Variants in SRPRA observed in about 807,000 individuals in gnomAD.
SRPRA encodes the protein SRP receptor subunit alpha, also known as signal recognition particle receptor subunit alpha.
Under a neutral mutation model 61.1 loss-of-function variants are expected in SRPRA, and 30 were observed. The observed-to-expected ratio is 0.49, with a 90% CI of 0.37 to 0.67. The LOEUF (loss-of-function observed/expected upper bound fraction) is 0.67. Among genes scored for constraint, SRPRA ranks in the 30% least tolerant of loss-of-function variants. The pLI is 0.00. For missense variants in SRPRA, 759 were observed against 828.4 expected (o/e 0.92, Z 1.03); for synonymous variants, 324 against 299.7 (o/e 1.08, Z -0.84).
chr11:126,249,731 C>CAAAAAAAAA, the SRPRA span, among the ~76,000 whole-genome samples: 10 of 79,006 alleles, frequency 1.3e-4, no homozygotes, highest in East Asian at 4.0e-4. Context: ...GACTCCGTCT[C>CAAAAAAAAA]AAAAAAAAAA....
the SRPRA span, among the ~76,000 whole-genome samples, chr11:126,244,474 A>G: frequency 6.6e-6 from 1 of 152,250 alleles, no homozygotes; most frequent in Non-Finnish European, 1.5e-5. The surrounding 1 kb of genome is among the most constrained non-coding windows in gnomAD (Gnocchi z 4.5). Flanking sequence ...ACTTGGCATC[A>G]AAAATAGTAA....
the SRPRA span, among the ~76,000 whole-genome samples, chr11:126,243,306 G>A: frequency 6.6e-6 from 1 of 152,114 alleles, no homozygotes; most frequent in African/African-American, 2.4e-5. Flanking sequence ...GACATCAGAA[G>A]AAATGAAAAT....
intron 7 of SRPRA, 31 bp from the exon 8 acceptor site, chr11:126,266,112 A>C (rs1266006172): frequency 6.2e-7 from 1 of 1,613,200 alleles, no homozygotes; most frequent in Admixed American, 1.7e-5. Context: ...ACATACACAT[A>C]AAACCAGTAG....
In SRPRA at chr11:126,264,818, T is replaced by C; in HGVS notation, c.1525+141A>G. The C allele has an allele frequency of 1.1e-6, 1 of 870,408 alleles. No homozygotes were observed. Among genetic ancestry groups the C allele is most frequent in the Admixed American group, 2.9e-5 (1 of 34,824 alleles). The allele number at this position is 870,408 out of a possible 1,614,324, so 53.9% of individuals were successfully genotyped here. A position where few individuals can be genotyped will look rare whatever the true frequency, so the allele number is the denominator to read the frequency against. ...ACATCTGTTATCCAAAAGCAGAGCA[T>C]GGCAAGTAACTGATCTGACTTTTTA... is the stretch of plus-strand genomic sequence containing the variant. On this transcript the variant is annotated intron_variant, in intron 11 of 13. Coordinates refer to ENST00000332118, the MANE Select transcript of SRPRA (RefSeq NM_003139.4). This position sits in a 1 kb window ranked among gnomAD's most constrained non-coding sequence, Gnocchi z 5.0.
At chr11:126,252,577 T>A in the SRPRA span, among the ~76,000 whole-genome samples, 2 of 152,062 alleles carry the variant, frequency 1.3e-5, no homozygotes, top group African/African-American at 4.8e-5. The surrounding 1 kb of genome is among the most constrained non-coding windows in gnomAD (Gnocchi z 4.7). Context: ...ACCCCATCTC[T>A]ACAAAAAGTT....
Position 126,268,099 on chromosome 11 carries a change from T to G in SRPRA, c.118-13A>C. 6.2e-7 allele frequency: 1 copy of G among 1,612,524 alleles called. No individual in the cohort carries two copies. Among genetic ancestry groups the G allele is most frequent in the Non-Finnish European group, 8.5e-7 (1 of 1,178,920 alleles). Reference sequence around the variant, plus strand: ...TACCTCCCCGTTCCTGGAGAAAGAGTATGTCTCAGTGTTCAGACTATCCCC... The same window carrying G: ...TACCTCCCCGTTCCTGGAGAAAGAGGATGTCTCAGTGTTCAGACTATCCCC... On this transcript the variant is annotated splice_polypyrimidine_tract_variant and intron_variant, in intron 1 of 13. Coordinates refer to ENST00000332118, the MANE Select transcript of SRPRA (RefSeq NM_003139.4).
At chr11:126,252,309 T>C in the SRPRA span, among the ~76,000 whole-genome samples, 1 of 152,226 alleles carries the variant, frequency 6.6e-6, no homozygotes, top group Non-Finnish European at 1.5e-5. This position sits in a 1 kb window ranked among gnomAD's most constrained non-coding sequence, Gnocchi z 4.7. Flanking sequence ...TGGCTGTTTA[T>C]CTGTTTTCTG....
rs762751314 is a variant in SRPRA, at chr11:126,267,613, G to C, written c.301C>G (p.Gln101Glu). The C allele has an allele frequency of 1.2e-6, 2 of 1,614,150 alleles. No homozygotes were observed. The highest frequency in any genetic ancestry group is 3.3e-5 in the Admixed American group (2 of 60,026). The stretch of plus-strand genomic sequence containing the variant: ...CCATTTAATAAACTTAAAGCACTTT[G>C]CTGTTGGATCTCTGTGCGGTACTTG... Reference protein sequence around the residue: ...RDKYRTEIQQQSALSLLNGTF... With the variant: ...RDKYRTEIQQESALSLLNGTF... Residue 101 changes from glutamine to glutamate, a missense_variant, in exon 3 of 14, where the codon CAA becomes GAA. By Grantham distance (29) the Gln-to-Glu change is conservative. Coordinates refer to ENST00000332118, the MANE Select transcript of SRPRA (RefSeq NM_003139.4). This position sits in a 1 kb window ranked among gnomAD's most constrained non-coding sequence, Gnocchi z 4.2.
Position 126,267,580 on chromosome 11 carries a change from C to A in SRPRA, c.334G>T (p.Asp112Tyr). ...SALSLLNGTFDFQNDFLRLLR... is the reference protein window; with the variant it reads ...SALSLLNGTFYFQNDFLRLLR... ...AGCCGCAGGAAGTCATTTTGGAAAT[C>A]AAAAGTGCCATTTAATAAACTTAAA... is the stretch of plus-strand genomic sequence containing the variant. Residue 112 changes from aspartate to tyrosine, a missense_variant, in exon 3 of 14, where the codon GAT becomes TAT. By Grantham distance (160) the Asp-to-Tyr change is radical. Around this residue, in one of 2 missense-constraint regions of SRPRA, gnomAD observed 475 missense variants for 462.5 expected, o/e 1.03. Coordinates refer to ENST00000332118, the MANE Select transcript of SRPRA (RefSeq NM_003139.4). The surrounding 1 kb of genome is among the most constrained non-coding windows in gnomAD (Gnocchi z 4.2). 1 of 1,614,060 alleles carries A rather than the reference C, an allele frequency of 6.2e-7. No homozygotes were observed. The highest frequency in any genetic ancestry group is 1.1e-5 in the South Asian group (1 of 91,080).
the SRPRA span, among the ~76,000 whole-genome samples, chr11:126,248,614 C>G: frequency 1.3e-5 from 2 of 152,092 alleles, no homozygotes; most frequent in African/African-American, 2.4e-5. Flanking sequence ...TCGTGATCCA[C>G]CCGCCTTGGC....
At chr11:126,235,972 A>G in the SRPRA span, among the ~76,000 whole-genome samples, 1 of 150,078 alleles carries the variant, frequency 6.7e-6, no homozygotes, top group South Asian at 2.1e-4. Context: ...TTTGCTTTCA[A>G]TGTATTCTCA....
the SRPRA span, among the ~76,000 whole-genome samples, chr11:126,249,927 T>C: frequency 6.6e-6 from 1 of 151,972 alleles, no homozygotes; most frequent in South Asian, 2.1e-4. Flanking sequence ...TAAATTCATA[T>C]CCCTTGGCCA....
At position 126,265,231 on chromosome 11, in the gene SRPRA, C is replaced by G. The variant is rs1424275538; in HGVS notation, c.1311+37G>C. 1 of 1,613,458 alleles carries G rather than the reference C, an allele frequency of 6.2e-7. No homozygotes were observed. The highest frequency in any genetic ancestry group is 8.5e-7 in the Non-Finnish European group (1 of 1,179,616). ...CCAGGATTTTGAGACACAAGAAGTA[C>G]AGAAATATCAGCGATAGGCTGGGGA... On this transcript the variant is annotated intron_variant, in intron 10 of 13. Transcript: ENST00000332118. The surrounding 1 kb of genome is among the most constrained non-coding windows in gnomAD (Gnocchi z 6.3).
chr11:126,262,294 T>C (rs1950717242), downstream of SRPRA: 1 of 677,946 alleles, frequency 1.5e-6, no homozygotes, highest in Non-Finnish European at 2.5e-6. Flanking sequence ...TGCAGCGTAA[T>C]CCTTCATACC....
At chr11:126,252,189 G>A in the SRPRA span, among the ~76,000 whole-genome samples, 5 of 151,900 alleles carry the variant, frequency 3.3e-5, no homozygotes, top group Admixed American at 6.6e-5. This position sits in a 1 kb window ranked among gnomAD's most constrained non-coding sequence, Gnocchi z 4.7. Flanking sequence ...GTTTCACCAT[G>A]TTGGCCAGGC....
downstream of SRPRA, chr11:126,262,290 G>T: frequency 1.5e-5 from 9 of 585,034 alleles, no homozygotes; most frequent in East Asian, 7.6e-5. Flanking sequence ...ATGTTGCAGC[G>T]TAATCCTTCA....
chr11:126,263,635 A>T lies in SRPRA; in HGVS notation c.*281T>A. ...GTTCCAACCATTGGTCAAAGCTGTA[A>T]TAAGACTGAGTCTGTAGGCAGAGTG... On this transcript the variant is annotated 3_prime_UTR_variant, in exon 14 of 14. Coordinates refer to ENST00000332118, the MANE Select transcript of SRPRA (RefSeq NM_003139.4). 1 of 391,834 alleles carries T rather than the reference A, an allele frequency of 2.6e-6. No homozygotes were observed. The highest frequency in any genetic ancestry group is 4.7e-6 in the Non-Finnish European group (1 of 212,794). The allele number at this position is 391,834 out of a possible 1,614,324, so 24.3% of individuals were successfully genotyped here. A position where few individuals can be genotyped will look rare whatever the true frequency, so the allele number is the denominator to read the frequency against.
At position 126,266,517 on chromosome 11, in the gene SRPRA, T is replaced by C. The variant is rs1266317014; in HGVS notation, c.799A>G (p.Asn267Asp). Residue 267 changes from asparagine (N) to aspartate (D), a missense_variant, in exon 6 of 14, where the codon AAT becomes GAT. Asn to Asp is a conservative substitution (Grantham distance 23, BLOSUM62 1). This residue lies in a region of SRPRA where 475 missense variants were observed against 462.5 expected (regional missense o/e 1.03). Transcript: ENST00000332118. ...GACAAGGCAGCCTCAGGGGTTCCATTGGTGGTGGGAGTACTGTAATCCAAC... is the reference window on the plus strand; with the variant it reads ...GACAAGGCAGCCTCAGGGGTTCCATCGGTGGTGGGAGTACTGTAATCCAAC... ...EVLDYSTPTT[N>D]GTPEAALSED... is the part of the protein sequence containing the mutation. 1.9e-6 allele frequency: 3 copies of C among 1,614,096 alleles called. No individual in the cohort carries two copies. The highest frequency in any genetic ancestry group is 2.5e-6 in the Non-Finnish European group (3 of 1,180,042).
At chr11:126,260,577 T>C (rs969037024), downstream of SRPRA, 6 of 152,200 alleles carry the variant, frequency 3.9e-5, no homozygotes, top group South Asian at 6.2e-4. Context: ...GTAAGTCATG[T>C]TGTGAAAATA....
Sources: allele counts gnomAD v4.1 joint callset (sites outside exome capture counted in the v4.1 genomes callset), GRCh38; gene constraint gnomAD v4.1.1; regional missense constraint gnomAD v4.1.1; non-coding constraint Gnocchi (gnomAD v3.1); transcripts MANE v1.5; gene names NCBI Gene and HGNC (gene_info 2026-07-23, HGNC 2026-07-21).